Variants in KCNMB2 observed in about 807,000 individuals in gnomAD.
KCNMB2 encodes the protein calcium-activated potassium channel subunit beta-2.
A neutral mutation model predicts 24.5 loss-of-function variants in KCNMB2; 9 were observed. That is an observed-to-expected ratio of 0.37 (90% CI 0.22 to 0.64). The LOEUF is 0.64. KCNMB2 is among the 30% of genes least tolerant of loss of function. KCNMB2 has a pLI of 0.63. For missense variants in KCNMB2, 226 were observed against 284.3 expected (o/e 0.79, Z 1.47); for synonymous variants, 109 against 104.4 (o/e 1.04, Z -0.27).
rs76765318 is a variant in KCNMB2 at position 178,547,512 on chromosome 3, G to A, written c.-68+10801G>A. 7.6e-3 allele frequency among the ~76,000 whole-genome samples: 1,154 copies of A among 152,198 alleles called. 11 individuals carry two copies. Among genetic ancestry groups the A allele is most frequent in the African/African-American group, 0.026 (1,094 of 41,542 alleles). ...CATCATAAAACATTTTAAAATTATA[G>A]TGTATGCTCACTGCCTCTATTTCAT... On this transcript the variant is annotated intron_variant, in intron 1 of 4. Coordinates refer to ENST00000452583, the MANE Select transcript of KCNMB2 (RefSeq NM_181361.3).
rs375456246 is a variant in KCNMB2, at chr3:178,793,958, T to C, written c.-67-13385T>C. On this transcript the variant is annotated intron_variant, in intron 1 of 4. Coordinates refer to ENST00000452583, the MANE Select transcript of KCNMB2 (RefSeq NM_181361.3). Reference sequence around the variant, plus strand: ...GAGACCTTTCTGCACTGAGCTGCCATCTGAAGGGATATCCAGGACTTCAAA... The same window carrying C: ...GAGACCTTTCTGCACTGAGCTGCCACCTGAAGGGATATCCAGGACTTCAAA... 5.9e-5 allele frequency among the ~76,000 whole-genome samples: 9 copies of C among 152,106 alleles called. No individual in the cohort carries two copies. In the East Asian group the frequency reaches 9.7e-4, roughly 16 times the overall value.
intron 1 of KCNMB2, among the ~76,000 whole-genome samples, chr3:178,546,223 T>A (rs1455897453): frequency 6.6e-6 from 1 of 152,196 alleles, no homozygotes; most frequent in Non-Finnish European, 1.5e-5. Context: ...AGAGAATGTC[T>A]ATAACAATCT....
intron 2 of KCNMB2, among the ~76,000 whole-genome samples, chr3:178,810,108 C>T (rs755071678): frequency 6.6e-6 from 1 of 151,780 alleles, no homozygotes; most frequent in Admixed American, 6.6e-5. Flanking sequence ...TGAGCAGTAT[C>T]TGTGGCTCTG....
rs560080193 is a variant in KCNMB2 at position 178,809,697 on chromosome 3, T to C, written c.56+2232T>C. The stretch of plus-strand genomic sequence containing the variant: ...TGCATATCAAAGAAGATAATAAACA[T>C]GTGACTGACGTATTGGTAATATTTG... On this transcript the variant is annotated intron_variant, in intron 2 of 4. Coordinates refer to ENST00000452583, the MANE Select transcript of KCNMB2 (RefSeq NM_181361.3). 4.6e-5 allele frequency among the ~76,000 whole-genome samples: 7 copies of C among 152,338 alleles called. No individual in the cohort carries two copies. In the South Asian group the frequency reaches 1.4e-3, roughly 32 times the overall value.
chr3:178,546,964 A>T (rs1577001827), intron 1 of KCNMB2, among the ~76,000 whole-genome samples: 1 of 152,354 alleles, frequency 6.6e-6, no homozygotes, highest in East Asian at 1.9e-4. Flanking sequence ...ATGTGTCTGG[A>T]AAGTGCTATG....
chr3:178,779,398 C>G (rs534714432), intron 1 of KCNMB2, among the ~76,000 whole-genome samples: 3 of 152,092 alleles, frequency 2.0e-5, no homozygotes, highest in Non-Finnish European at 4.4e-5. Flanking sequence ...GATGGATACA[C>G]GTAAACTAGA....
intron 1 of KCNMB2, among the ~76,000 whole-genome samples, chr3:178,757,398 A>G (rs1183016366): frequency 1.4e-5 from 1 of 70,334 alleles, no homozygotes; most frequent in African/African-American, 6.2e-5. Context: ...ATATATGTAT[A>G]TATATCCAAG....
chr3:178,555,525 T>C (rs148717125), intron 1 of KCNMB2, among the ~76,000 whole-genome samples: 4 of 152,340 alleles, frequency 2.6e-5, no homozygotes, highest in African/African-American at 9.6e-5. Flanking sequence ...ATAACACATG[T>C]GCTCATATGA....
chr3:178,732,432 C>CTGAG (rs1723182040), intron 1 of KCNMB2, among the ~76,000 whole-genome samples: 1 of 152,152 alleles, frequency 6.6e-6, no homozygotes, highest in African/African-American at 2.4e-5. Context: ...ATATTCCCAC[C>CTGAG]TGAGGCTGAA....
chr3:178,567,293 T>C (rs1248557296), intron 1 of KCNMB2, among the ~76,000 whole-genome samples: 1 of 152,114 alleles, frequency 6.6e-6, no homozygotes, highest in Non-Finnish European at 1.5e-5. Flanking sequence ...TCAGCCAATA[T>C]CATCTGTTTG....
chr3:178,774,836 C>G (rs1026787668), intron 1 of KCNMB2, among the ~76,000 whole-genome samples: 16 of 152,110 alleles, frequency 1.1e-4, no homozygotes, highest in African/African-American at 3.6e-4. Flanking sequence ...GTTTAAATAC[C>G]ATTTTAACAC....
chr3:178,653,582 G>A (rs1312337544), intron 1 of KCNMB2, among the ~76,000 whole-genome samples: 3 of 151,950 alleles, frequency 2.0e-5, no homozygotes, highest in African/African-American at 7.2e-5. Context: ...AACAAGGCCT[G>A]GCCCTCCAGG....
chr3:178,568,788 TA>T (rs749575492), intron 1 of KCNMB2, among the ~76,000 whole-genome samples: 1 of 84,328 alleles, frequency 1.2e-5, no homozygotes, highest in Non-Finnish European at 2.3e-5. Flanking sequence ...GATAGATAGA[TA>T]GATAGATAGA....
At chr3:178,708,001 G>A (rs1054284152) in intron 1 of KCNMB2, among the ~76,000 whole-genome samples, 6 of 152,154 alleles carry the variant, frequency 3.9e-5, no homozygotes, top group African/African-American at 1.4e-4. Flanking sequence ...CTCTTGGACA[G>A]AGCCCTAAAT....
intron 1 of KCNMB2, among the ~76,000 whole-genome samples, chr3:178,614,293 A>ATATATATATATATG (rs1560131728): frequency 9.3e-5 from 8 of 85,950 alleles, no homozygotes; most frequent in African/African-American, 8.7e-5. Context: ...ATATATATAT[A>ATATATATATATATG]TATGTATGTA....
At chr3:178,573,333 A>G (rs73054306) in intron 1 of KCNMB2, among the ~76,000 whole-genome samples, 1,874 of 152,260 alleles carry the variant, frequency 0.012, 45 homozygotes, top group African/African-American at 0.042. Context: ...TAACAACTCC[A>G]AAAGTTTATG....
chr3:178,600,886 C>T (rs1313943347), intron 1 of KCNMB2, among the ~76,000 whole-genome samples: 1 of 152,124 alleles, frequency 6.6e-6, no homozygotes, highest in East Asian at 1.9e-4. Flanking sequence ...CTGCCTTCCA[C>T]AATGGTTGAA....
intron 1 of KCNMB2, among the ~76,000 whole-genome samples, chr3:178,645,020 TC>T (rs1719867532): frequency 6.6e-6 from 1 of 151,704 alleles, no homozygotes; most frequent in African/African-American, 2.4e-5. Context: ...TAATGGTAGT[TC>T]CCCTCCCTTG....
rs1716874914 is a variant in KCNMB2, at chr3:178,573,368, A to G, written c.-68+36657A>G. ...GAATTAAGGTCTAAATCAGTAGTATAGATATTAATAAGTGCAACCAGAGTT... is the reference window on the plus strand; with the variant it reads ...GAATTAAGGTCTAAATCAGTAGTATGGATATTAATAAGTGCAACCAGAGTT... On this transcript the variant is annotated intron_variant, in intron 1 of 4. Coordinates refer to ENST00000452583, the MANE Select transcript of KCNMB2 (RefSeq NM_181361.3). Among the ~76,000 whole-genome samples, 3 of 152,164 alleles carry G rather than the reference A, an allele frequency of 2.0e-5. No homozygotes were observed. In the South Asian group the frequency reaches 6.2e-4, roughly 32 times the overall value.
Sources: gnomAD v4.1 joint callset for allele counts (sites outside exome capture counted in the v4.1 genomes callset) on GRCh38, gnomAD v4.1.1 for gene constraint, MANE v1.5 for transcripts, NCBI Gene and HGNC (gene_info 2026-07-23, HGNC 2026-07-21) for gene names.